The following ITPK1 variants were observed in gnomAD, a reference collection of about 807,000 sequenced individuals.
The protein encoded by ITPK1 is inositol-tetrakisphosphate 1-kinase, also known as inositol 1,3,4-trisphosphate 5/6-kinase.
In ITPK1, 21 loss-of-function variants were observed where a neutral mutation model predicts 45.3. That is an observed-to-expected ratio of 0.46 (90% confidence interval 0.33 to 0.67). ITPK1 has a LOEUF of 0.67. Among genes scored for constraint, ITPK1 ranks in the 30% least tolerant of loss-of-function variants. The probability of loss-of-function intolerance (pLI) is 0.02; values close to 1 mark genes in which losing one functional copy is unlikely to be tolerated. For synonymous variants in ITPK1, 258 were observed against 253.6 expected (o/e 1.02, Z -0.16); for missense variants, 474 against 573.5 (o/e 0.83, Z 1.77).
chr14:93,026,827 C>T (rs1888758725), intron 3 of ITPK1, among the ~76,000 whole-genome samples: 1 of 152,056 alleles, frequency 6.6e-6, no homozygotes, highest in Admixed American at 6.5e-5. Context: ...AAGAAGGGGC[C>T]GATCACTGAG....
chr14:92,949,481 T>C (rs1448386322), intron 9 of ITPK1, among the ~76,000 whole-genome samples: 1 of 152,208 alleles, frequency 6.6e-6, no homozygotes, highest in African/African-American at 2.4e-5. Flanking sequence ...CAGCCACTCA[T>C]CCTGCAGCCC....
chr14:92,951,448 C>T (rs1262848827), intron 9 of ITPK1, among the ~76,000 whole-genome samples: 1 of 152,226 alleles, frequency 6.6e-6, no homozygotes, highest in Non-Finnish European at 1.5e-5. Context: ...GGCACCTGGG[C>T]TGACACTGGC....
At chr14:92,959,199 G>C (rs886987907) in intron 7 of ITPK1, among the ~76,000 whole-genome samples, 2 of 152,230 alleles carry the variant, frequency 1.3e-5, no homozygotes, top group Admixed American at 6.5e-5. Flanking sequence ...GCTCTGCACA[G>C]GGTCTGCTCT....
intron 2 of ITPK1, among the ~76,000 whole-genome samples, chr14:93,097,593 G>A (rs1323908466): frequency 6.6e-6 from 1 of 152,204 alleles, no homozygotes; most frequent in Non-Finnish European, 1.5e-5. Flanking sequence ...TTTTTAGGAT[G>A]GGTTGTTATG....
chr14:93,108,117 C>T (rs1036116246), intron 2 of ITPK1, among the ~76,000 whole-genome samples: 5 of 152,194 alleles, frequency 3.3e-5, no homozygotes, highest in African/African-American at 1.2e-4. Context: ...AGGCCACACA[C>T]ACCCGGGCCG....
rs574342727 is a variant in ITPK1 at position 92,951,964 on chromosome 14, C to G, written c.720G>C (p.Ser240=). 1 of 1,579,802 alleles carries G rather than the reference C, an allele frequency of 6.3e-7. No individual in the cohort carries two copies. Among genetic ancestry groups the G allele is most frequent in the South Asian group, 1.2e-5 (1 of 86,160 alleles). The change falls in exon 9 of 11, where the codon TCG becomes TCC. Residue 240 remains serine (S), a synonymous_variant. Coordinates refer to ENST00000267615, the MANE Select transcript of ITPK1 (RefSeq NM_014216.6). ...GACCCACCTCCGTCAGGACCGATGA[C>G]GACTCCGGCTTTGACACGTTGTGGC... The part of the protein sequence containing the change: ...FNSHNVSKPE[S]SSVLTELDKI...
chr14:93,111,215 C>G (rs926807122), intron 2 of ITPK1, among the ~76,000 whole-genome samples: 1 of 152,182 alleles, frequency 6.6e-6, no homozygotes. Context: ...CCTCCTGCAA[C>G]GTAGGTTCAG....
chr14:93,046,593 G>GT (rs1889782879), intron 3 of ITPK1, among the ~76,000 whole-genome samples: 6 of 146,000 alleles, frequency 4.1e-5, no homozygotes, highest in African/African-American at 1.5e-4. Flanking sequence ...GCAGCCGGGG[G>GT]CGGGGGGGGG....
chr14:92,948,979 A>T (rs1453980914), intron 9 of ITPK1, among the ~76,000 whole-genome samples: 1 of 133,432 alleles, frequency 7.5e-6, no homozygotes, highest in African/African-American at 3.2e-5. Context: ...CAGGACACAC[A>T]GGGCCCCCCT....
At chr14:93,020,042 C>T (rs925235726) in intron 3 of ITPK1, among the ~76,000 whole-genome samples, 2 of 152,202 alleles carry the variant, frequency 1.3e-5, no homozygotes, top group Admixed American at 6.5e-5. Flanking sequence ...GTGGGCACTC[C>T]GTTTCCAAGT....
intron 3 of ITPK1, among the ~76,000 whole-genome samples, chr14:93,059,261 C>G (rs1353160454): frequency 2.2e-5 from 1 of 45,134 alleles, no homozygotes; most frequent in African/African-American, 1.0e-4. Context: ...GGGATGGGTG[C>G]TGGTCATGAG....
At position 92,958,116 on chromosome 14, in the gene ITPK1, A is replaced by C. The variant is rs1884840893; in HGVS notation, c.670+85T>G. 1 of 1,321,964 alleles carries C rather than the reference A, an allele frequency of 7.6e-7. No homozygotes were observed. The highest frequency in any genetic ancestry group is 1.1e-6 in the Non-Finnish European group (1 of 919,976). 81.9% of individuals were successfully genotyped at this position (1,321,964 alleles called of 1,614,324 possible). On this transcript the variant is annotated intron_variant, in intron 8 of 10. Coordinates refer to ENST00000267615, the MANE Select transcript of ITPK1 (RefSeq NM_014216.6). This position sits in a 1 kb window ranked among gnomAD's most constrained non-coding sequence, Gnocchi z 4.4. Reference sequence around the variant, plus strand: ...ACCAAGAACACAGGGTGGTTGGGGCAGTGCCGAAGGACAGACAGCTGCTGC... The same window carrying C: ...ACCAAGAACACAGGGTGGTTGGGGCCGTGCCGAAGGACAGACAGCTGCTGC...
chr14:93,026,957 C>T (rs1156394948), intron 3 of ITPK1, among the ~76,000 whole-genome samples: 3 of 152,340 alleles, frequency 2.0e-5, no homozygotes, highest in Non-Finnish European at 4.4e-5. Context: ...GCAGTATCAA[C>T]TGAATTGTAC....
rs547739608 is a variant in ITPK1 at position 93,083,330 on chromosome 14, C to T, written c.96-6711G>A. Among the ~76,000 whole-genome samples the T allele has an allele frequency of 1.2e-4, 19 of 152,208 alleles. No homozygotes were observed. In the East Asian group the frequency reaches 2.7e-3, roughly 22 times the overall value. On this transcript the variant is annotated intron_variant, in intron 2 of 10. Coordinates refer to ENST00000267615, the MANE Select transcript of ITPK1 (RefSeq NM_014216.6). ...GCAGGCATGGGATGTGCTGCTGAGC[C>T]GCTCGGGGTCTCAGCTTTCATATCC...
At position 92,941,103 on chromosome 14, in the gene ITPK1, G is replaced by A; in HGVS notation, c.*458C>T. 6.7e-6 allele frequency: 8 copies of A among 1,201,514 alleles called. No individual in the cohort carries two copies. The highest frequency in any genetic ancestry group is 7.4e-6 in the Non-Finnish European group (7 of 949,316). The allele number at this position is 1,201,514 out of a possible 1,614,324, so 74.4% of individuals were successfully genotyped here. On this transcript the variant is annotated 3_prime_UTR_variant, in exon 11 of 11. Transcript: ENST00000267615. ...ACAAGGAAGGGGCAGGTCAGGGAGT[G>A]GGGAGTCAGGCAGAAGGGAAGCCAC...
chr14:93,028,962 C>T (rs1038574182), intron 3 of ITPK1, among the ~76,000 whole-genome samples: 1 of 152,160 alleles, frequency 6.6e-6, no homozygotes, highest in African/African-American at 2.4e-5. Context: ...AGCCTGTGCC[C>T]CCTCCCTGAG....
intron 3 of ITPK1, among the ~76,000 whole-genome samples, chr14:93,073,378 C>A (rs1367518616): frequency 1.3e-5 from 2 of 152,202 alleles, no homozygotes; most frequent in Non-Finnish European, 2.9e-5. Flanking sequence ...CCAGCACAGG[C>A]ACCTGAGGAC....
At position 92,944,344 on chromosome 14, in the gene ITPK1, T is replaced by C. The variant is rs188793460; in HGVS notation, c.901+1987A>G. ...GCCAGAGCCCTGGGCCTCTCCTCAGTACCAGGCTCCCTCACCAGTCTCCGC... is the reference window on the plus strand; with the variant it reads ...GCCAGAGCCCTGGGCCTCTCCTCAGCACCAGGCTCCCTCACCAGTCTCCGC... On this transcript the variant is annotated intron_variant, in intron 10 of 10. Coordinates refer to ENST00000267615, the MANE Select transcript of ITPK1 (RefSeq NM_014216.6). Among the ~76,000 whole-genome samples, 28 of 152,162 alleles carry C rather than the reference T, an allele frequency of 1.8e-4. No homozygotes were observed. The East Asian group carries it at 4.3e-3, about 23-fold the overall frequency.
chr14:93,074,398 G>A (rs890944866), intron 3 of ITPK1, among the ~76,000 whole-genome samples: 1 of 152,168 alleles, frequency 6.6e-6, no homozygotes, highest in Non-Finnish European at 1.5e-5. Context: ...AATCTTCCCA[G>A]AATGCCACAT....
Sources: gnomAD v4.1 joint callset for allele counts (sites outside exome capture counted in the v4.1 genomes callset) on GRCh38, gnomAD v4.1.1 for gene constraint, Gnocchi (gnomAD v3.1) non-coding constraint, MANE v1.5 for transcripts, NCBI Gene and HGNC (gene_info 2026-07-23, HGNC 2026-07-21) for gene names.